Variants in LINC00632 observed in about 807,000 individuals in gnomAD.
LINC00632 encodes long independently transcribed non-coding RNA 632.
chrX:140,721,554 G>C (rs1930728598), intron 2 of LINC00632, among the ~76,000 whole-genome samples: 1 of 110,931 alleles, frequency 9.0e-6, no homozygotes, highest in African/African-American at 3.3e-5. Flanking sequence ...GATCTGACAG[G>C]AGGCAGAGCT....
chrX:140,778,614 CAAAG>C (rs1429088375), exon 5 of LINC00632, among the ~76,000 whole-genome samples: 1 of 57,448 alleles, frequency 1.7e-5, no homozygotes, highest in Admixed American at 2.0e-4. Context: ...AACAAACAAA[CAAAG>C]AAAAAAAAAA....
intron 3 of LINC00632, among the ~76,000 whole-genome samples, chrX:140,749,382 A>T (rs1047320359): frequency 8.9e-6 from 1 of 111,922 alleles, no homozygotes; most frequent in African/African-American, 3.2e-5. Flanking sequence ...AGTTTTTGTG[A>T]TACGTTTTAT....
At chrX:140,730,139 C>T (rs1204415889) in intron 2 of LINC00632, among the ~76,000 whole-genome samples, 3 of 110,811 alleles carry the variant, frequency 2.7e-5, no homozygotes, top group African/African-American at 6.6e-5. Context: ...CCTCCCAGTG[C>T]GCTGGGATTA....
At chrX:140,768,533 A>G (rs930467435) in intron 3 of LINC00632, among the ~76,000 whole-genome samples, 6 of 101,483 alleles carry the variant, frequency 5.9e-5, no homozygotes, top group Non-Finnish European at 9.8e-5. Context: ...TAATATATAT[A>G]ACACATATAA....
intron 3 of LINC00632, among the ~76,000 whole-genome samples, chrX:140,754,874 G>A (rs1418780350): frequency 9.1e-6 from 1 of 109,942 alleles, no homozygotes; most frequent in Non-Finnish European, 1.9e-5. Flanking sequence ...AAATTTTGGG[G>A]TTCACCCTCA....
At chrX:140,755,362 C>T (rs1320362415) in intron 3 of LINC00632, among the ~76,000 whole-genome samples, 2 of 112,332 alleles carry the variant, frequency 1.8e-5, no homozygotes, top group Non-Finnish European at 3.8e-5. Context: ...AATACTACTT[C>T]CCTGAGTGCA....
At chrX:140,762,616 A>G (rs1009629568) in intron 3 of LINC00632, among the ~76,000 whole-genome samples, 1 of 112,318 alleles carries the variant, frequency 8.9e-6, no homozygotes, top group African/African-American at 3.2e-5. Flanking sequence ...TGCTTCTGTA[A>G]CAGTAAATAT....
exon 5 of LINC00632, among the ~76,000 whole-genome samples, chrX:140,775,447 C>A (rs1017820085): frequency 7.1e-5 from 8 of 112,088 alleles, no homozygotes; most frequent in Non-Finnish European, 1.3e-4. Context: ...ATAGGCTGAA[C>A]CTGCCTGTTC....
intron 2 of LINC00632, chrX:140,714,161 T>A (rs565152797): frequency 5.9e-6 from 1 of 170,131 alleles, no homozygotes; most frequent in Admixed American, 7.4e-5. Context: ...TTCCCGAGAA[T>A]AGACTCATGA....
At chrX:140,740,760 A>T (rs1047763506) in intron 3 of LINC00632, among the ~76,000 whole-genome samples, 1 of 111,334 alleles carries the variant, frequency 9.0e-6, no homozygotes, top group Non-Finnish European at 1.9e-5. Flanking sequence ...AATTCTTAAT[A>T]ATTTTTGAAA....
At chrX:140,746,670 G>A (rs1463593457) in intron 3 of LINC00632, among the ~76,000 whole-genome samples, 1 of 112,045 alleles carries the variant, frequency 8.9e-6, no homozygotes, top group Non-Finnish European at 1.9e-5. Context: ...TATAAGATAG[G>A]TGACAGCTAC....
At chrX:140,776,232 G>A in exon 5 of LINC00632, among the ~76,000 whole-genome samples, 1 of 109,817 alleles carries the variant, frequency 9.1e-6, no homozygotes, top group South Asian at 4.0e-4. Flanking sequence ...GAGCCAGACT[G>A]GGATCCGGTG....
At chrX:140,788,464 G>C (rs1160245414) in exon 5 of LINC00632, among the ~76,000 whole-genome samples, 2 of 109,770 alleles carry the variant, frequency 1.8e-5, no homozygotes, top group Non-Finnish European at 3.8e-5. Context: ...TTTATCTGTG[G>C]GTAGTAAGAC....
In LINC00632 at chrX:140,771,734, C is replaced by T. The variant is rs1302926250; in HGVS notation, n.192-344C>T. Among the ~76,000 whole-genome samples the T allele has an allele frequency of 1.2e-3, 114 of 97,628 alleles. 1 individual carries two copies. Among genetic ancestry groups the T allele is most frequent in the African/African-American group, 4.1e-3 (109 of 26,579 alleles). The allele number at this position is 97,628 out of a possible 115,157, so 84.8% of individuals were successfully genotyped here. A position where few individuals can be genotyped will look rare whatever the true frequency, so the allele number is the denominator to read the frequency against. ...TTACTCTGTCACCCAGGCTGGAGTG[C>T]AGTGGTGTGATCTCGGCTCACTGCA... On this transcript the variant is annotated intron_variant and non_coding_transcript_variant, in intron 3 of 4. Coordinates refer to ENST00000648200, the Ensembl canonical transcript of LINC00632.
At chrX:140,771,685 A>AT (rs1265088053) in intron 3 of LINC00632, among the ~76,000 whole-genome samples, 6,608 of 61,556 alleles carry the variant, frequency 0.11, 378 homozygotes, top group Middle Eastern at 0.17. Context: ...ATATATATAT[A>AT]TTTTTTTTTT....
intron 3 of LINC00632, among the ~76,000 whole-genome samples, chrX:140,759,447 C>G (rs762771617): frequency 1.5e-4 from 16 of 109,571 alleles, no homozygotes; most frequent in Admixed American, 1.3e-3. Context: ...GCTGCCAACT[C>G]CTGGGTGTAA....
intron 2 of LINC00632, among the ~76,000 whole-genome samples, chrX:140,720,609 C>G (rs1384969814): frequency 8.9e-6 from 1 of 112,035 alleles, no homozygotes; most frequent in Non-Finnish European, 1.9e-5. Context: ...ATTCACAATA[C>G]TAAGACTTGC....
intron 3 of LINC00632, among the ~76,000 whole-genome samples, chrX:140,757,130 G>A (rs767265245): frequency 1.8e-5 from 2 of 111,215 alleles, no homozygotes; most frequent in East Asian, 5.7e-4. Context: ...TTCTGATGGC[G>A]ACTGGCCACT....
intron 2 of LINC00632, among the ~76,000 whole-genome samples, chrX:140,724,245 CCATACA>C (rs1293002330): frequency 2.1e-4 from 14 of 65,904 alleles, no homozygotes; most frequent in Admixed American, 5.2e-4. Flanking sequence ...CAGACACATT[CCATACA>C]CATACACAGA....
Sources: gnomAD v4.1 joint callset for allele counts (sites outside exome capture counted in the v4.1 genomes callset) on GRCh38, gnomAD v4.1.1 for gene constraint, MANE v1.5 for transcripts, NCBI Gene and HGNC (gene_info 2026-07-23, HGNC 2026-07-21) for gene names.